The following PXK variants were observed in gnomAD, a reference collection of about 807,000 sequenced individuals.
PXK encodes the protein PX domain-containing protein kinase-like protein.
PXK carries 35 observed loss-of-function variants against 84.7 expected under a neutral mutation model. The observed-to-expected ratio is 0.41, with a 90% CI of 0.32 to 0.55. PXK has a LOEUF of 0.55. PXK is among the 20% of genes least tolerant of loss of function. The pLI is 0.21. For synonymous variants in PXK, 253 were observed against 260.8 expected (o/e 0.97, Z 0.29); for missense variants, 634 against 699.7 (o/e 0.91, Z 1.06).
At position 58,409,513 on chromosome 3, in the gene PXK, A is replaced by AT. The variant is rs1216414250; in HGVS notation, c.1309-18dup. 6.2e-7 allele frequency: 1 copy of AT among 1,607,538 alleles called. No homozygotes were observed. Among genetic ancestry groups the AT allele is most frequent in the South Asian group, 1.1e-5 (1 of 90,740 alleles). Reference sequence around the variant, plus strand: ...GCTGCCTTATGTGGGATATGCTTACATCTTATGGTCTTTTAAAGATTCACC... The same window carrying AT: ...GCTGCCTTATGTGGGATATGCTTACATTCTTATGGTCTTTTAAAGATTCACC... On this transcript the variant is annotated intron_variant, in intron 14 of 17. Coordinates refer to ENST00000356151, the MANE Select transcript of PXK (RefSeq NM_017771.5). The surrounding 1 kb of genome is among the most constrained non-coding windows in gnomAD (Gnocchi z 4.2).
chr3:58,350,616 G>A (rs974919864), intron 1 of PXK, among the ~76,000 whole-genome samples: 3 of 152,146 alleles, frequency 2.0e-5, no homozygotes, highest in South Asian at 4.1e-4. Context: ...CTAGTGGTGC[G>A]CCCTTGTTTA....
chr3:58,388,295 T>A (rs1292879862), intron 4 of PXK, among the ~76,000 whole-genome samples: 2 of 152,204 alleles, frequency 1.3e-5, no homozygotes, highest in Non-Finnish European at 2.9e-5. Flanking sequence ...TTTCCCCTGT[T>A]CCTAAAACAA....
rs571485874 is a variant in PXK, at chr3:58,385,461, C to T, written c.388+2761C>T. 8.5e-5 allele frequency among the ~76,000 whole-genome samples: 13 copies of T among 152,296 alleles called. No individual in the cohort carries two copies. The highest frequency in any genetic ancestry group is 1.9e-4 in the East Asian group (1 of 5,184). On this transcript the variant is annotated intron_variant, in intron 4 of 17. Coordinates refer to ENST00000356151, the MANE Select transcript of PXK (RefSeq NM_017771.5). This position sits in a 1 kb window ranked among gnomAD's most constrained non-coding sequence, Gnocchi z 5.1. ...CATGGCCCACGGAACATACCCTGCA[C>T]GCCTCTCACCTTGTGGCACTTCTCT...
intron 9 of PXK, 50 bp downstream of exon 9, chr3:58,395,809 A>G (rs761693642): frequency 5.5e-6 from 8 of 1,466,018 alleles, no homozygotes; most frequent in Admixed American, 1.8e-5. Flanking sequence ...CCAAAATTGC[A>G]TTATTCACCT....
At chr3:58,403,287 T>G (rs1576616426) in intron 12 of PXK, among the ~76,000 whole-genome samples, 1 of 152,146 alleles carries the variant, frequency 6.6e-6, no homozygotes, top group East Asian at 1.9e-4. Flanking sequence ...TTACAAGACA[T>G]GAGCCACCGC....
chr3:58,390,601 T>C lies in PXK; in HGVS notation c.408T>C (p.Val136=). 6.2e-7 allele frequency: 1 copy of C among 1,613,308 alleles called. No individual in the cohort carries two copies. The highest frequency in any genetic ancestry group is 1.1e-5 in the South Asian group (1 of 90,982). ...TTGCAGAGATTGCCTTGCAACAGGT[T>C]TCCATGTTCTTCCGATCAGAACCAA... The part of the protein sequence containing the change: ...ANYTEIALQQ[V]SMFFRSEPKW... The change falls in exon 5 of 18, where the codon GTT becomes GTC. Residue 136 remains valine (V), a synonymous_variant. Transcript: ENST00000356151. This position sits in a 1 kb window ranked among gnomAD's most constrained non-coding sequence, Gnocchi z 4.2.
chr3:58,404,055 T>C (rs2059019786), intron 13 of PXK, 145 bp downstream of exon 13: 1 of 450,802 alleles, frequency 2.2e-6, no homozygotes, highest in African/African-American at 2.0e-5. Context: ...GGGGCTAGTT[T>C]AATAATTTAT....
At chr3:58,420,226 GTAAA>G (rs1317323565) in intron 17 of PXK, among the ~76,000 whole-genome samples, 1 of 151,950 alleles carries the variant, frequency 6.6e-6, no homozygotes, top group Non-Finnish European at 1.5e-5. Flanking sequence ...CGTCATGCTT[GTAAA>G]TAAATAAAAA....
chr3:58,343,250 C>T (rs931049509), intron 1 of PXK, among the ~76,000 whole-genome samples: 7 of 152,206 alleles, frequency 4.6e-5, no homozygotes, highest in African/African-American at 1.4e-4. Context: ...GTCCTGCATA[C>T]GTTCCTCTTG....
intron 1 of PXK, among the ~76,000 whole-genome samples, chr3:58,354,475 C>G (rs1456676665): frequency 6.9e-6 from 1 of 145,116 alleles, no homozygotes; most frequent in South Asian, 2.2e-4. Context: ...GAGACTGAGT[C>G]TCTCACTCTG....
At chr3:58,423,619 C>T (rs1467462601) in intron 17 of PXK, 1 of 1,465,988 alleles carries the variant, frequency 6.8e-7, no homozygotes, top group African/African-American at 1.4e-5. Flanking sequence ...AGTAGGGTAG[C>T]TTTACCTGTT....
At position 58,397,801 on chromosome 3, in the gene PXK, A is replaced by G; in HGVS notation, c.1102+79A>G. On this transcript the variant is annotated intron_variant, in intron 11 of 17. Coordinates refer to ENST00000356151, the MANE Select transcript of PXK (RefSeq NM_017771.5). This position sits in a 1 kb window ranked among gnomAD's most constrained non-coding sequence, Gnocchi z 4.7. ...TCATCCCCTTTCCAGAGTCCAGGAA[A>G]GACCCAGAGGAAGTTGCTGTCCTCC... 2 of 1,195,200 alleles carry G rather than the reference A, an allele frequency of 1.7e-6. No individual in the cohort carries two copies. Among genetic ancestry groups the G allele is most frequent in the Non-Finnish European group, 2.4e-6 (2 of 829,872 alleles). 74.0% of individuals were successfully genotyped at this position (1,195,200 alleles called of 1,614,324 possible).
In PXK at chr3:58,401,756, C is replaced by T. The variant is rs1010618895; in HGVS notation, c.1182-2106C>T. Reference sequence around the variant, plus strand: ...CCTAGCTAACACGGTGAAACCCTGTCTCTACTAAAAATGCAAAAAAATTAG... The same window carrying T: ...CCTAGCTAACACGGTGAAACCCTGTTTCTACTAAAAATGCAAAAAAATTAG... On this transcript the variant is annotated intron_variant, in intron 12 of 17. Coordinates refer to ENST00000356151, the MANE Select transcript of PXK (RefSeq NM_017771.5). The surrounding 1 kb of genome is among the most constrained non-coding windows in gnomAD (Gnocchi z 4.4). 5.9e-5 allele frequency among the ~76,000 whole-genome samples: 9 copies of T among 151,990 alleles called. No individual in the cohort carries two copies. Among genetic ancestry groups the T allele is most frequent in the African/African-American group, 2.2e-4 (9 of 41,374 alleles).
At chr3:58,424,071 T>C (rs2062420472) in intron 17 of PXK, among the ~76,000 whole-genome samples, 1 of 152,168 alleles carries the variant, frequency 6.6e-6, no homozygotes, top group South Asian at 2.1e-4. Flanking sequence ...AAGAATACCA[T>C]GGCAGAGAGA....
At chr3:58,334,928 G>GGTGTGTGTGTGTGT (rs143395201) in intron 1 of PXK, among the ~76,000 whole-genome samples, 1 of 130,430 alleles carries the variant, frequency 7.7e-6, no homozygotes, top group Non-Finnish European at 1.6e-5. Flanking sequence ...TTATTGTAAG[G>GGTGTGTGTGTGTGT]GTGTGTGTGT....
intron 1 of PXK, among the ~76,000 whole-genome samples, chr3:58,337,230 A>G (rs2097638684): frequency 6.6e-6 from 1 of 152,236 alleles, no homozygotes; most frequent in African/African-American, 2.4e-5. Flanking sequence ...GGCACAATAG[A>G]AAACATTTTT....
chr3:58,395,181 C>G, intron 8 of PXK, 79 bp downstream of exon 8: 1 of 1,009,230 alleles, frequency 9.9e-7, no homozygotes, highest in Non-Finnish European at 1.5e-6. Context: ...CTCTAAGACT[C>G]CAGAGGCTAG....
At chr3:58,418,067 C>T (rs1359208899) in intron 17 of PXK, among the ~76,000 whole-genome samples, 1 of 152,180 alleles carries the variant, frequency 6.6e-6, no homozygotes, top group Non-Finnish European at 1.5e-5. Flanking sequence ...GATCTGCCCG[C>T]CTTAGCCTCC....
intron 3 of PXK, among the ~76,000 whole-genome samples, chr3:58,373,076 G>A (rs948333913): frequency 1.0e-4 from 15 of 145,530 alleles, no homozygotes; most frequent in Non-Finnish European, 2.2e-4. Flanking sequence ...CCTTGAGTCC[G>A]TCATTTCTTT....
Sources: gnomAD v4.1 joint callset for allele counts (sites outside exome capture counted in the v4.1 genomes callset) on GRCh38, gnomAD v4.1.1 for gene constraint, Gnocchi (gnomAD v3.1) non-coding constraint, MANE v1.5 for transcripts, NCBI Gene and HGNC (gene_info 2026-07-23, HGNC 2026-07-21) for gene names.